A1CF: variants seen among roughly 807,000 people sequenced by gnomAD.
A1CF encodes the protein APOBEC-1 stimulating protein.
A1CF carries 48 observed loss-of-function variants against 68.9 expected under a neutral mutation model. The ratio of observed to expected loss-of-function variants is 0.70; its 90% CI spans 0.55 to 0.89. A1CF has a LOEUF of 0.89. A1CF is among the 40% of genes least tolerant of loss of function. The pLI, the probability that A1CF is intolerant of heterozygous loss-of-function variation, is 0.00. For missense variants in A1CF, 653 were observed against 718.9 expected (o/e 0.91, Z 1.05); for synonymous variants, 272 against 260.4 (o/e 1.04, Z -0.43).
chr10:50,882,596 G>A (rs1259879559), intron 1 of A1CF, among the ~76,000 whole-genome samples: 4 of 152,038 alleles, frequency 2.6e-5, no homozygotes, highest in African/African-American at 9.7e-5. Context: ...ATGGGATACA[G>A]ATTTCTAATA....
Position 50,850,605 on chromosome 10 carries a change from T to C in A1CF, c.100-6483A>G, listed in dbSNP as rs748635638. 4 of 1,590,326 alleles carry C rather than the reference T, an allele frequency of 2.5e-6. No homozygotes were observed. In the Admixed American group the frequency reaches 6.7e-5, roughly 27 times the overall value. On this transcript the variant is annotated intron_variant, in intron 3 of 12. Coordinates refer to ENST00000373997, the MANE Select transcript of A1CF (RefSeq NM_014576.4). ...AACAAAAAGCATTTGTGTGTGTGTG[T>C]GTGTTTCTGTAAAAGAGAACGAGTA...
intron 8 of A1CF, 40 bp from the exon 9 acceptor site, chr10:50,816,319 T>C: frequency 6.3e-7 from 1 of 1,599,120 alleles, no homozygotes; most frequent in Non-Finnish European, 8.5e-7. Flanking sequence ...CGAGATGATA[T>C]GAAGATAACC....
chr10:50,803,290 G>A lies in A1CF; in HGVS notation c.*3439C>T, dbSNP rs1187654034. Reference sequence around the variant, plus strand: ...ATTTGTTTTTTTTTTTTTTGTAGAGGCGGAGTCTCTCCATGTTGCCCAGGC... The same window carrying A: ...ATTTGTTTTTTTTTTTTTTGTAGAGACGGAGTCTCTCCATGTTGCCCAGGC... On this transcript the variant is annotated 3_prime_UTR_variant, in exon 13 of 13. Coordinates refer to ENST00000373997, the MANE Select transcript of A1CF (RefSeq NM_014576.4). 7.3e-5 allele frequency: 11 copies of A among 150,570 alleles called. No individual in the cohort carries two copies. Among genetic ancestry groups the A allele is most frequent in the African/African-American group, 2.7e-4 (11 of 40,604 alleles). 9.3% of individuals were successfully genotyped at this position (150,570 alleles called of 1,614,324 possible).
chr10:50,870,323 A>G (rs1307807830), intron 1 of A1CF, among the ~76,000 whole-genome samples: 1 of 151,960 alleles, frequency 6.6e-6, no homozygotes, highest in Non-Finnish European at 1.5e-5. Flanking sequence ...GAAGGAATCA[A>G]AGATAAAAGT....
rs1700965177 is a variant in A1CF at position 50,804,446 on chromosome 10, TTTTAAGGAAAATCAGAAC to T, written c.*2265_*2282del. The T allele has an allele frequency of 6.6e-6, 1 of 152,186 alleles. No individual in the cohort carries two copies. The highest frequency in any genetic ancestry group is 1.5e-5 in the Non-Finnish European group (1 of 68,010). 9.4% of individuals were successfully genotyped at this position (152,186 alleles called of 1,614,324 possible). Reference sequence around the variant, plus strand: ...ACCCTTTGCTGTTTATTTGCAAAGATTTTAAGGAAAATCAGAACTTTTGCTCCTAGAATTTGGAATGCT... The same window carrying T: ...ACCCTTTGCTGTTTATTTGCAAAGATTTTTGCTCCTAGAATTTGGAATGCT... On this transcript the variant is annotated 3_prime_UTR_variant, in exon 13 of 13. Coordinates refer to ENST00000373997, the MANE Select transcript of A1CF (RefSeq NM_014576.4).
intron 4 of A1CF, among the ~76,000 whole-genome samples, chr10:50,843,229 C>G (rs1011662764): frequency 2.0e-5 from 3 of 152,148 alleles, no homozygotes; most frequent in African/African-American, 7.2e-5. Context: ...TCTTGATGCT[C>G]ATTTTCAGAT....
intron 10 of A1CF, 36 bp from the exon 11 acceptor site, chr10:50,811,212 G>A (rs370777624): frequency 3.1e-5 from 48 of 1,573,080 alleles, no homozygotes; most frequent in Non-Finnish European, 3.5e-5. Flanking sequence ...CCCCTCAAAT[G>A]ACACATTCAC....
chr10:50,842,229 A>T (rs1839815646), intron 4 of A1CF, among the ~76,000 whole-genome samples: 1 of 152,222 alleles, frequency 6.6e-6, no homozygotes. Context: ...TGTACAAGTG[A>T]CATTTCAGCC....
At chr10:50,867,272 A>G (rs1214667756) in intron 1 of A1CF, among the ~76,000 whole-genome samples, 3 of 152,204 alleles carry the variant, frequency 2.0e-5, no homozygotes, top group East Asian at 3.9e-4. Context: ...AATCAACCTA[A>G]GTATCCATCA....
intron 5 of A1CF, among the ~76,000 whole-genome samples, chr10:50,837,298 A>C (rs981136796): frequency 6.6e-6 from 1 of 152,140 alleles, no homozygotes; most frequent in Non-Finnish European, 1.5e-5. Flanking sequence ...TGTTTCTTCC[A>C]CTGTACAGAG....
chr10:50,878,546 A>G (rs941219481), intron 1 of A1CF, among the ~76,000 whole-genome samples: 49 of 152,214 alleles, frequency 3.2e-4, no homozygotes, highest in African/African-American at 1.0e-3. Context: ...CTGCTTTAAC[A>G]TATGATTTGT....
intron 7 of A1CF, 91 bp from the exon 8 acceptor site, chr10:50,820,740 A>AT (rs538050280): frequency 1.8e-4 from 168 of 941,752 alleles, no homozygotes; most frequent in South Asian, 6.0e-4. Context: ...AGAGTATTTG[A>AT]TTTTTTTTAT....
chr10:50,879,082 G>A (rs554985597), intron 1 of A1CF, among the ~76,000 whole-genome samples: 3 of 152,010 alleles, frequency 2.0e-5, no homozygotes, highest in Non-Finnish European at 4.4e-5. Flanking sequence ...CTCACACCCC[G>A]CATCCCAACT....
At chr10:50,813,740 A>G in intron 10 of A1CF, 117 bp downstream of exon 10, 1 of 1,003,802 alleles carries the variant, frequency 1.0e-6, no homozygotes, top group Non-Finnish European at 1.5e-6. Context: ...GATGCTTTAT[A>G]TATTAAAAGA....
chr10:50,851,757 A>G (rs1840255246), intron 3 of A1CF, among the ~76,000 whole-genome samples: 1 of 152,208 alleles, frequency 6.6e-6, no homozygotes, highest in African/African-American at 2.4e-5. Flanking sequence ...AATTCTCTCT[A>G]TATGGGATTG....
intron 12 of A1CF, among the ~76,000 whole-genome samples, chr10:50,809,371 G>A (rs1224131411): frequency 2.0e-5 from 3 of 152,150 alleles, no homozygotes; most frequent in Non-Finnish European, 2.9e-5. Context: ...ATTGAAGACT[G>A]GAGAGGGAGA....
At chr10:50,861,771 A>G (rs550048577) in intron 2 of A1CF, among the ~76,000 whole-genome samples, 27 of 148,106 alleles carry the variant, frequency 1.8e-4, no homozygotes, top group Admixed American at 5.4e-4. Context: ...TTATAGTAAT[A>G]CTAATCATAA....
At chr10:50,863,336 T>A (rs1432000536) in intron 2 of A1CF, among the ~76,000 whole-genome samples, 1 of 152,196 alleles carries the variant, frequency 6.6e-6, no homozygotes, top group Non-Finnish European at 1.5e-5. Context: ...CAAATTGAAA[T>A]AAAGCCTTTG....
At chr10:50,836,711 C>T (rs368240369) in intron 5 of A1CF, among the ~76,000 whole-genome samples, 1 of 128,084 alleles carries the variant, frequency 7.8e-6, no homozygotes, top group Non-Finnish European at 1.6e-5. Context: ...CACAACAGGC[C>T]CTGGTGTGTA....
Sources: gnomAD v4.1 joint callset for allele counts (sites outside exome capture counted in the v4.1 genomes callset) on GRCh38, gnomAD v4.1.1 for gene constraint, MANE v1.5 for transcripts, NCBI Gene and HGNC (gene_info 2026-07-23, HGNC 2026-07-21) for gene names.